The following PDK1 variants were observed in gnomAD, a reference collection of about 807,000 sequenced individuals.
PDK1 encodes pyruvate dehydrogenase kinase 1, also known as [Pyruvate dehydrogenase (acetyl-transferring)] kinase isozyme 1, mitochondrial.
A neutral mutation model predicts 54.2 loss-of-function variants in PDK1; 39 were observed. The ratio of observed to expected loss-of-function variants is 0.72; its 90% CI spans 0.56 to 0.94. The LOEUF is 0.94. Ranked by LOEUF, PDK1 falls within the 40% of genes least tolerant of loss-of-function variation. The pLI is 0.00. For synonymous variants in PDK1, 221 were observed against 207.1 expected, an observed-to-expected ratio of 1.07 and a Z score of -0.58; for missense variants, 552 against 566.0, an observed-to-expected ratio of 0.98 and a Z score of 0.25.
Position 172,583,291 on chromosome 2 carries a change from T to G in PDK1, c.946-2987T>G, listed in dbSNP as rs944559098. 2.1e-3 allele frequency among the ~76,000 whole-genome samples: 270 copies of G among 130,348 alleles called. 8 individuals carry two copies. Among genetic ancestry groups the G allele is most frequent in the African/African-American group, 7.6e-3 (247 of 32,354 alleles). The allele number at this position is 130,348 out of a possible 152,430, so 85.5% of individuals were successfully genotyped here. ...CATAAAAGTTTTCTGGTTTTTTTTT[T>G]TTTTTTTTTTTTTTTTTTTTTACTG... On this transcript the variant is annotated intron_variant, in intron 8 of 10. Coordinates refer to ENST00000282077, the MANE Select transcript of PDK1 (RefSeq NM_002610.5).
Position 172,603,549 on chromosome 2 carries a change from G to T in PDK1, c.*7580G>T, listed in dbSNP as rs1471190824. 1 of 152,218 alleles carries T rather than the reference G, an allele frequency of 6.6e-6. No individual in the cohort carries two copies. The highest frequency in any genetic ancestry group is 1.5e-5 in the Non-Finnish European group (1 of 68,050). 9.4% of individuals were successfully genotyped at this position (152,218 alleles called of 1,614,324 possible). A position where few individuals can be genotyped will look rare whatever the true frequency, so the allele number is the denominator to read the frequency against. On this transcript the variant is annotated 3_prime_UTR_variant, in exon 11 of 11. Coordinates refer to ENST00000282077, the MANE Select transcript of PDK1 (RefSeq NM_002610.5). The stretch of plus-strand genomic sequence containing the variant: ...GGTTAATGAGAGCTTCACTAATGTT[G>T]TCTGCTGCAGGCAATAAGTGAAGTC...
At chr2:172,650,366 C>G in the PDK1 span, among the ~76,000 whole-genome samples, 2 of 152,150 alleles carry the variant, frequency 1.3e-5, no homozygotes, top group Non-Finnish European at 2.9e-5. Context: ...CCGGTACCAG[C>G]CACTGCAAAA....
At chr2:172,668,842 T>C in the PDK1 span, among the ~76,000 whole-genome samples, 5 of 145,910 alleles carry the variant, frequency 3.4e-5, no homozygotes, top group Admixed American at 2.1e-4. Context: ...TGTATGTATA[T>C]ACACACACAC....
chr2:172,569,988 T>A (rs1280103771), intron 7 of PDK1, among the ~76,000 whole-genome samples: 1 of 152,246 alleles, frequency 6.6e-6, no homozygotes, highest in Non-Finnish European at 1.5e-5. Flanking sequence ...TCAGTAATAA[T>A]GGCTTTCACC....
At chr2:172,683,919 T>C in the PDK1 span, among the ~76,000 whole-genome samples, 1 of 152,204 alleles carries the variant, frequency 6.6e-6, no homozygotes, top group Non-Finnish European at 1.5e-5. Context: ...GTTCTTTGCC[T>C]TTTAGAAGCA....
chr2:172,612,600 A>G (rs1051646825), downstream of PDK1, among the ~76,000 whole-genome samples: 8 of 152,192 alleles, frequency 5.3e-5, no homozygotes, highest in African/African-American at 1.9e-4. Flanking sequence ...AAAATGTACT[A>G]ATAGTTTTTC....
At chr2:172,586,091 A>G (rs1460066824) in intron 8 of PDK1, among the ~76,000 whole-genome samples, 187 bp from the exon 9 acceptor site, 2 of 151,232 alleles carry the variant, frequency 1.3e-5, no homozygotes, top group African/African-American at 4.9e-5. Flanking sequence ...CCCGGGAAGC[A>G]GAGGTTGCAG....
chr2:172,581,263 G>A (rs1425308515), intron 8 of PDK1, among the ~76,000 whole-genome samples: 1 of 151,988 alleles, frequency 6.6e-6, no homozygotes, highest in Non-Finnish European at 1.5e-5. Flanking sequence ...GCTAATTCTT[G>A]TATTTTTAGT....
rs192598628 is a variant in PDK1 at position 172,578,418 on chromosome 2, C to T, written c.945+7594C>T. Among the ~76,000 whole-genome samples, 25 of 152,186 alleles carry T rather than the reference C, an allele frequency of 1.6e-4. No individual in the cohort carries two copies. The East Asian group carries it at 4.2e-3, about 26-fold the overall frequency. ...TTAGTTCTCTTATATAATATCTATCCTGTTTTTTTCACCTTTGCTAAATGT... is the reference window on the plus strand; with the variant it reads ...TTAGTTCTCTTATATAATATCTATCTTGTTTTTTTCACCTTTGCTAAATGT... On this transcript the variant is annotated intron_variant, in intron 8 of 10. Transcript: ENST00000282077.
At chr2:172,679,785 A>G in the PDK1 span, among the ~76,000 whole-genome samples, 3 of 152,324 alleles carry the variant, frequency 2.0e-5, no homozygotes, top group South Asian at 6.2e-4. Context: ...CAGAAACAAG[A>G]AAGAAAAGAA....
At chr2:172,584,777 C>T (rs1012113866) in intron 8 of PDK1, among the ~76,000 whole-genome samples, 1 of 150,756 alleles carries the variant, frequency 6.6e-6, no homozygotes, top group African/African-American at 2.4e-5. Flanking sequence ...GCCTCAGCCT[C>T]CCAAGTAGTT....
chr2:172,566,728 A>G (rs1336323019), intron 5 of PDK1, 128 bp from the exon 6 acceptor site: 9 of 520,316 alleles, frequency 1.7e-5, no homozygotes, highest in Non-Finnish European at 2.6e-5. Context: ...CTTTCACCAA[A>G]CTATCAAAGT....
At chr2:172,594,257 T>C (rs1690771263) in intron 10 of PDK1, among the ~76,000 whole-genome samples, 1 of 152,124 alleles carries the variant, frequency 6.6e-6, no homozygotes, top group African/African-American at 2.4e-5. Flanking sequence ...ACTCCTGACC[T>C]CAGGTGATCC....
chr2:172,683,346 A>C, the PDK1 span, among the ~76,000 whole-genome samples: 11 of 1,820 alleles, frequency 6.0e-3, no homozygotes, highest in African/African-American at 0.022. Context: ...AACTCCGTCA[A>C]AAAAAAAAAA....
At chr2:172,635,321 G>T in the PDK1 span, among the ~76,000 whole-genome samples, 3 of 151,882 alleles carry the variant, frequency 2.0e-5, no homozygotes, top group Admixed American at 2.0e-4. Flanking sequence ...ACTTTTTTGC[G>T]GGGCGGAGGG....
chr2:172,663,992 T>A, the PDK1 span, among the ~76,000 whole-genome samples: 15 of 145,586 alleles, frequency 1.0e-4, no homozygotes, highest in Non-Finnish European at 6.0e-5. Context: ...TAACCTCTCG[T>A]AGGAATGAGG....
chr2:172,556,034 C>T (rs965783875), upstream of PDK1: 23 of 732,768 alleles, frequency 3.1e-5, no homozygotes, highest in Admixed American at 4.4e-5. Context: ...AGGGTGGGGG[C>T]CGCGCCGGTG....
intron 1 of PDK1, chr2:172,558,152 T>A (rs1688453353): frequency 6.6e-6 from 1 of 152,356 alleles, no homozygotes; most frequent in Non-Finnish European, 1.5e-5. Flanking sequence ...TTTATTTTTT[T>A]AAGGCTGGTC....
chr2:172,606,477 A>G lies in PDK1; in HGVS notation c.*10508A>G, dbSNP rs1425957864. The G allele has an allele frequency of 6.6e-6, 1 of 152,242 alleles. No individual in the cohort carries two copies. Among genetic ancestry groups the G allele is most frequent in the African/African-American group, 2.4e-5 (1 of 41,466 alleles). 9.4% of individuals were successfully genotyped at this position (152,242 alleles called of 1,614,324 possible). Reference sequence around the variant, plus strand: ...TCTCTTTTGCTGCTAGGAGGCAGACAGTAACTTCGGTAATTAGAAACATCT... The same window carrying G: ...TCTCTTTTGCTGCTAGGAGGCAGACGGTAACTTCGGTAATTAGAAACATCT... On this transcript the variant is annotated 3_prime_UTR_variant, in exon 11 of 11. Transcript: ENST00000282077.
Sources: allele counts gnomAD v4.1 joint callset (sites outside exome capture counted in the v4.1 genomes callset), GRCh38; gene constraint gnomAD v4.1.1; transcripts MANE v1.5; gene names NCBI Gene and HGNC (gene_info 2026-07-23, HGNC 2026-07-21).